HS3ST4: variants seen among roughly 807,000 people sequenced by gnomAD.
HS3ST4 encodes heparan sulfate-glucosamine 3-sulfotransferase 4, also known as heparan sulfate glucosamine 3-O-sulfotransferase 4.
HS3ST4 carries 17 observed loss-of-function variants against 29.2 expected under a neutral mutation model. That is an observed-to-expected ratio of 0.58 (90% confidence interval 0.40 to 0.87). HS3ST4 has a LOEUF of 0.87. Ranked by LOEUF, HS3ST4 falls within the 40% of genes least tolerant of loss-of-function variation. The probability of loss-of-function intolerance (pLI) is 0.00; values close to 1 mark genes in which losing one functional copy is unlikely to be tolerated. For synonymous variants in HS3ST4, 314 were observed against 285.7 expected, an observed-to-expected ratio of 1.10 and a Z score of -1.00; for missense variants, 627 against 634.5, an observed-to-expected ratio of 0.99 and a Z score of 0.13.
At chr16:25,829,159 A>C (rs1017667182) in intron 1 of HS3ST4, among the ~76,000 whole-genome samples, 1 of 152,232 alleles carries the variant, frequency 6.6e-6, no homozygotes, top group South Asian at 2.1e-4. Context: ...GTTGTTACCT[A>C]CTTAGGCACA....
At chr16:26,120,569 A>T (rs988898964) in intron 1 of HS3ST4, among the ~76,000 whole-genome samples, 1 of 152,084 alleles carries the variant, frequency 6.6e-6, no homozygotes, top group Non-Finnish European at 1.5e-5. Flanking sequence ...TTGTAGCTAA[A>T]CTCTAGAGCT....
At chr16:26,107,973 T>C (rs1899079019) in intron 1 of HS3ST4, among the ~76,000 whole-genome samples, 1 of 152,114 alleles carries the variant, frequency 6.6e-6, no homozygotes, top group Admixed American at 6.5e-5. Context: ...CTCCGCACTG[T>C]GGAAAACACT....
intron 1 of HS3ST4, among the ~76,000 whole-genome samples, chr16:26,092,734 A>G (rs1043438779): frequency 1.3e-5 from 2 of 151,944 alleles, no homozygotes; most frequent in Admixed American, 1.3e-4. Context: ...TCTCATTGGG[A>G]TGGTTGGACA....
At chr16:25,952,137 T>G (rs1266481300) in intron 1 of HS3ST4, among the ~76,000 whole-genome samples, 2 of 152,190 alleles carry the variant, frequency 1.3e-5, no homozygotes, top group African/African-American at 4.8e-5. Flanking sequence ...TGAGCCACAG[T>G]GACAGAGCTG....
chr16:25,866,772 G>A (rs535584747), intron 1 of HS3ST4, among the ~76,000 whole-genome samples: 1 of 152,046 alleles, frequency 6.6e-6, no homozygotes, highest in South Asian at 2.1e-4. Flanking sequence ...TGTATACCTA[G>A]GAAACAAGCC....
At chr16:26,112,381 C>CTTTT (rs386384539) in intron 1 of HS3ST4, among the ~76,000 whole-genome samples, 19,402 of 111,644 alleles carry the variant, frequency 0.17, 2,728 homozygotes, top group Non-Finnish European at 0.24. Flanking sequence ...GCCTCTACAT[C>CTTTT]TTTTTTTTTT....
At chr16:25,785,819 CG>C (rs1966856957) in intron 1 of HS3ST4, among the ~76,000 whole-genome samples, 1 of 151,944 alleles carries the variant, frequency 6.6e-6, no homozygotes, top group South Asian at 2.1e-4. Flanking sequence ...TGACACAAGC[CG>C]GGAGAGGGGT....
intron 1 of HS3ST4, among the ~76,000 whole-genome samples, chr16:25,973,149 A>C (rs191852444): frequency 2.0e-5 from 3 of 152,334 alleles, no homozygotes; most frequent in Admixed American, 6.5e-5. Flanking sequence ...GGGGGAAGGC[A>C]GAGATGCAGA....
At chr16:25,749,704 T>A (rs1234456086) in intron 1 of HS3ST4, among the ~76,000 whole-genome samples, 2 of 152,164 alleles carry the variant, frequency 1.3e-5, no homozygotes, top group Non-Finnish European at 2.9e-5. Flanking sequence ...CCTCATGAGA[T>A]TAAGTGATTT....
chr16:26,084,769 GT>G (rs71931851), intron 1 of HS3ST4, among the ~76,000 whole-genome samples: 4,950 of 148,846 alleles, frequency 0.033, 255 homozygotes, highest in African/African-American at 0.11. Context: ...AGTTGTTGTT[GT>G]TTTTTTTTTA....
At chr16:25,943,280 G>A (rs946920575) in intron 1 of HS3ST4, among the ~76,000 whole-genome samples, 1 of 152,140 alleles carries the variant, frequency 6.6e-6, no homozygotes, top group Non-Finnish European at 1.5e-5. Flanking sequence ...TAAATAAATT[G>A]TAATACATTG....
intron 1 of HS3ST4, among the ~76,000 whole-genome samples, chr16:25,908,303 A>G (rs1224614521): frequency 6.6e-6 from 1 of 152,224 alleles, no homozygotes; most frequent in African/African-American, 2.4e-5. Flanking sequence ...TGAATTGCTG[A>G]GTCCATGAAC....
intron 1 of HS3ST4, among the ~76,000 whole-genome samples, chr16:25,861,581 A>G (rs1470132533): frequency 1.3e-5 from 2 of 152,166 alleles, no homozygotes; most frequent in African/African-American, 4.8e-5. Flanking sequence ...AAGGATAACA[A>G]ATGAGAGTAA....
chr16:25,975,183 T>G (rs1287463900), intron 1 of HS3ST4, among the ~76,000 whole-genome samples: 1 of 151,850 alleles, frequency 6.6e-6, no homozygotes, highest in Non-Finnish European at 1.5e-5. Flanking sequence ...TGCAAATTCA[T>G]GCAGAAACAG....
intron 1 of HS3ST4, among the ~76,000 whole-genome samples, chr16:25,737,712 G>A (rs1966619409): frequency 6.6e-6 from 1 of 152,060 alleles, no homozygotes; most frequent in South Asian, 2.1e-4. Flanking sequence ...TAACACAACT[G>A]TACTTGTACC....
chr16:25,808,787 T>G lies in HS3ST4; in HGVS notation c.734+115636T>G, dbSNP rs892749297. On this transcript the variant is annotated intron_variant, in intron 1 of 1. Coordinates refer to ENST00000331351, the MANE Select transcript of HS3ST4 (RefSeq NM_006040.3). ...ACTTATTTAGCTCTTCTTTGATTAC[T>G]TTTATTGGCATTTTATAACTTTTAG... Among the ~76,000 whole-genome samples, 11 of 152,172 alleles carry G rather than the reference T, an allele frequency of 7.2e-5. No individual in the cohort carries two copies. The East Asian group carries it at 2.1e-3, about 29-fold the overall frequency.
At chr16:26,113,316 G>A (rs1165519883) in intron 1 of HS3ST4, among the ~76,000 whole-genome samples, 2 of 151,790 alleles carry the variant, frequency 1.3e-5, no homozygotes, top group African/African-American at 2.4e-5. Flanking sequence ...TGTAGCGGCG[G>A]GCACCTGTAA....
intron 1 of HS3ST4, among the ~76,000 whole-genome samples, chr16:26,077,618 A>C (rs1898677815): frequency 1.3e-5 from 2 of 152,358 alleles, no homozygotes; most frequent in East Asian, 1.9e-4. Flanking sequence ...CAGGAACTTC[A>C]TTGGTTTGTT....
At chr16:25,755,156 C>T (rs1966749375) in intron 1 of HS3ST4, among the ~76,000 whole-genome samples, 1 of 152,144 alleles carries the variant, frequency 6.6e-6, no homozygotes, top group South Asian at 2.1e-4. Context: ...ATTCATTCAA[C>T]AAGCAGTCAC....
Sources: allele counts gnomAD v4.1 joint callset (sites outside exome capture counted in the v4.1 genomes callset), GRCh38; gene constraint gnomAD v4.1.1; transcripts MANE v1.5; gene names NCBI Gene and HGNC (gene_info 2026-07-23, HGNC 2026-07-21).